Variants in GPC6 observed in about 807,000 individuals in gnomAD.
GPC6 encodes glypican 6, also known as glypican-6.
GPC6 carries 14 observed loss-of-function variants against 55.2 expected under a neutral mutation model. That is an observed-to-expected ratio of 0.25 (90% CI 0.17 to 0.40). The LOEUF (loss-of-function observed/expected upper bound fraction) is 0.40. GPC6 is among the 10% of genes least tolerant of loss of function. The probability of loss-of-function intolerance (pLI) is 1.00; values close to 1 mark genes in which losing one functional copy is unlikely to be tolerated. For missense variants in GPC6, 641 were observed against 708.5 expected (o/e 0.90, Z 1.08); for synonymous variants, 278 against 259.6 (o/e 1.07, Z -0.68).
intron 1 of GPC6, among the ~76,000 whole-genome samples, chr13:93,276,495 A>AGAGAGAGAGT (rs1365006783): frequency 4.6e-3 from 439 of 94,416 alleles, no homozygotes; most frequent in Non-Finnish European, 5.8e-3. Context: ...AGAGAGAGAG[A>AGAGAGAGAGT]GTGTGTGTGT....
chr13:93,895,254 A>G (rs200977366), intron 3 of GPC6, among the ~76,000 whole-genome samples: 44,630 of 128,672 alleles, frequency 0.35, 9,398 homozygotes, highest in African/African-American at 0.37. Context: ...ATATATATAT[A>G]TATATATATA....
chr13:94,211,999 T>G (rs1482492272), intron 4 of GPC6, among the ~76,000 whole-genome samples: 2 of 152,202 alleles, frequency 1.3e-5, no homozygotes, highest in Non-Finnish European at 2.9e-5. Context: ...AATTCTCTCC[T>G]ACACACATCT....
intron 3 of GPC6, among the ~76,000 whole-genome samples, chr13:93,951,101 A>G (rs1879233518): frequency 6.6e-6 from 1 of 152,204 alleles, no homozygotes. Flanking sequence ...AAAATTTTAA[A>G]TGTAACTTAC....
chr13:93,913,235 G>A (rs1180439796), intron 3 of GPC6, among the ~76,000 whole-genome samples: 1 of 152,210 alleles, frequency 6.6e-6, no homozygotes, highest in Non-Finnish European at 1.5e-5. Context: ...TATGTCTGCT[G>A]TATGTCTCTG....
chr13:93,736,614 T>C (rs1343200821), intron 2 of GPC6, among the ~76,000 whole-genome samples: 2 of 152,164 alleles, frequency 1.3e-5, no homozygotes, highest in African/African-American at 4.8e-5. Context: ...AAATGAAATA[T>C]ATAAATTAAT....
chr13:93,557,769 A>T (rs1358892854), intron 2 of GPC6, among the ~76,000 whole-genome samples: 2 of 152,216 alleles, frequency 1.3e-5, no homozygotes, highest in African/African-American at 4.8e-5. Context: ...AAACTGAAGA[A>T]GTTTGGGGGC....
At chr13:93,918,458 TA>T (rs35508835) in intron 3 of GPC6, among the ~76,000 whole-genome samples, 16,141 of 146,564 alleles carry the variant, frequency 0.11, 1,092 homozygotes, top group Admixed American at 0.18. Context: ...AAAAGAAGGT[TA>T]AAAAAAAAAA....
intron 2 of GPC6, among the ~76,000 whole-genome samples, chr13:93,665,156 A>G (rs551707905): frequency 6.6e-6 from 1 of 152,350 alleles, no homozygotes; most frequent in East Asian, 1.9e-4. Context: ...TTTAAGTATA[A>G]GAATGTTTAC....
At chr13:94,389,795 C>G (rs1421613731) in intron 7 of GPC6, among the ~76,000 whole-genome samples, 2 of 152,306 alleles carry the variant, frequency 1.3e-5, no homozygotes, top group East Asian at 3.9e-4. Flanking sequence ...AGACTCCTCC[C>G]TCTCCCCCAT....
At chr13:93,553,459 G>A (rs949863655) in intron 2 of GPC6, among the ~76,000 whole-genome samples, 2 of 151,906 alleles carry the variant, frequency 1.3e-5, no homozygotes, top group East Asian at 1.9e-4. Flanking sequence ...TTAGGAGGCC[G>A]AGGCTGGCAG....
At chr13:94,197,839 C>T (rs1468654573) in intron 4 of GPC6, among the ~76,000 whole-genome samples, 4 of 152,008 alleles carry the variant, frequency 2.6e-5, no homozygotes, top group Admixed American at 6.6e-5. Context: ...AATGAATAAA[C>T]AATTTTACCA....
intron 1 of GPC6, among the ~76,000 whole-genome samples, chr13:93,541,029 T>A (rs1375467253): frequency 6.6e-6 from 1 of 152,144 alleles, no homozygotes; most frequent in Non-Finnish European, 1.5e-5. Context: ...TCATCCTTTT[T>A]TTTTTATTAT....
intron 3 of GPC6, among the ~76,000 whole-genome samples, chr13:93,855,222 G>C (rs879875505): frequency 6.6e-6 from 1 of 151,550 alleles, no homozygotes; most frequent in Non-Finnish European, 1.5e-5. Flanking sequence ...ACTGATATTT[G>C]TATTGTCTCT....
At chr13:94,395,322 G>A (rs1229190908) in intron 7 of GPC6, among the ~76,000 whole-genome samples, 1 of 152,212 alleles carries the variant, frequency 6.6e-6, no homozygotes, top group Non-Finnish European at 1.5e-5. Flanking sequence ...AAAGAGATAT[G>A]AGTCCACGGC....
chr13:93,623,276 T>C (rs1480177726), intron 2 of GPC6, among the ~76,000 whole-genome samples: 2 of 152,154 alleles, frequency 1.3e-5, no homozygotes, highest in East Asian at 1.9e-4. Flanking sequence ...TCCATTTCCT[T>C]TGGATAAATG....
chr13:93,723,805 A>C (rs1883535016), intron 2 of GPC6, among the ~76,000 whole-genome samples: 1 of 152,028 alleles, frequency 6.6e-6, no homozygotes, highest in Non-Finnish European at 1.5e-5. Context: ...AGATTGTTGA[A>C]TAAGAAAGTC....
intron 4 of GPC6, among the ~76,000 whole-genome samples, chr13:94,185,037 G>A (rs1889122699): frequency 6.6e-6 from 1 of 152,042 alleles, no homozygotes; most frequent in Non-Finnish European, 1.5e-5. Context: ...AATTAACACA[G>A]GAAGAGAAAA....
chr13:94,355,619 C>T (rs1878758887), intron 6 of GPC6, among the ~76,000 whole-genome samples: 1 of 152,072 alleles, frequency 6.6e-6, no homozygotes, highest in Admixed American at 6.5e-5. Flanking sequence ...CTAAATGTGT[C>T]TATGAAAAGA....
intron 4 of GPC6, among the ~76,000 whole-genome samples, chr13:94,030,065 C>G (rs1379835460): frequency 1.3e-5 from 2 of 150,836 alleles, no homozygotes; most frequent in East Asian, 2.0e-4. Flanking sequence ...TGCGATGGCA[C>G]GATCTCGGCT....
Sources: allele counts gnomAD v4.1 joint callset (sites outside exome capture counted in the v4.1 genomes callset), GRCh38; gene constraint gnomAD v4.1.1; transcripts MANE v1.5; gene names NCBI Gene and HGNC (gene_info 2026-07-23, HGNC 2026-07-21).